Variants in GALNT11 observed in about 807,000 individuals in gnomAD.
The protein encoded by GALNT11 is polypeptide N-acetylgalactosaminyltransferase 11.
Under a neutral mutation model 72.7 loss-of-function variants are expected in GALNT11, and 47 were observed. That is an observed-to-expected ratio of 0.65 (90% CI 0.51 to 0.82). The LOEUF (loss-of-function observed/expected upper bound fraction) is 0.82, where lower values mean the gene tolerates loss of function less well. Among genes scored for constraint, GALNT11 ranks in the 40% least tolerant of loss-of-function variants. The probability of loss-of-function intolerance (pLI) is 0.00; values close to 1 mark genes in which losing one functional copy is unlikely to be tolerated. For missense variants in GALNT11, 677 were observed against 778.4 expected (o/e 0.87, Z 1.55); for synonymous variants, 270 against 286.6 (o/e 0.94, Z 0.58).
intron 1 of GALNT11, among the ~76,000 whole-genome samples, chr7:152,043,666 A>G (rs2082981342): frequency 6.6e-6 from 1 of 152,158 alleles, no homozygotes; most frequent in African/African-American, 2.4e-5. Flanking sequence ...CAGTGGGGCA[A>G]CTACTTTTCG....
At chr7:152,096,139 A>G (rs1396107527) in intron 2 of GALNT11, among the ~76,000 whole-genome samples, 1 of 152,244 alleles carries the variant, frequency 6.6e-6, no homozygotes, top group African/African-American at 2.4e-5. Flanking sequence ...ACACACATTG[A>G]AAGATATTCC....
intron 1 of GALNT11, among the ~76,000 whole-genome samples, chr7:152,036,666 T>A (rs2082595239): frequency 6.6e-6 from 1 of 152,226 alleles, no homozygotes; most frequent in African/African-American, 2.4e-5. Context: ...TCCTCCAAAC[T>A]GGTCTCCATA....
chr7:152,083,115 C>G (rs893456506), intron 1 of GALNT11, among the ~76,000 whole-genome samples: 2 of 152,124 alleles, frequency 1.3e-5, no homozygotes, highest in African/African-American at 4.8e-5. Context: ...AGTATTTTTT[C>G]TAGTTTGTCA....
intron 1 of GALNT11, among the ~76,000 whole-genome samples, chr7:152,092,998 G>A (rs533852414): frequency 2.0e-5 from 3 of 152,314 alleles, no homozygotes; most frequent in Admixed American, 6.5e-5. Flanking sequence ...GGAGGCCAAG[G>A]CGGGCAGATC....
At chr7:152,105,630 C>T (rs1278572337) in intron 5 of GALNT11, among the ~76,000 whole-genome samples, 5 of 152,126 alleles carry the variant, frequency 3.3e-5, no homozygotes, top group African/African-American at 9.7e-5. Context: ...TACTTACTGC[C>T]CCTCAAATAT....
rs959964367 is a variant in GALNT11 at position 152,122,322 on chromosome 7, TAAAG to T, written c.*648_*651del. 4 of 152,270 alleles carry T rather than the reference TAAAG, an allele frequency of 2.6e-5. No homozygotes were observed. 9.4% of individuals were successfully genotyped at this position (152,270 alleles called of 1,614,324 possible). ...ATGAATTATGATACAATCTACATAA[TAAAG>T]AATCCTTTTGATTATTTAGGATATT... On this transcript the variant is annotated 3_prime_UTR_variant, in exon 12 of 12. Transcript: ENST00000430044.
At chr7:152,039,661 G>C (rs2082757046) in intron 1 of GALNT11, among the ~76,000 whole-genome samples, 1 of 152,090 alleles carries the variant, frequency 6.6e-6, no homozygotes, top group African/African-American at 2.4e-5. Context: ...CTGCAACCGG[G>C]GGTCCTCGGG....
intron 1 of GALNT11, chr7:152,079,461 A>G (rs546192951): frequency 1.4e-4 from 22 of 152,302 alleles, no homozygotes; most frequent in African/African-American, 5.3e-4. Flanking sequence ...GTTTGATTAA[A>G]TTTGCTTCTT....
intron 1 of GALNT11, among the ~76,000 whole-genome samples, chr7:152,081,833 C>A (rs966610359): frequency 1.3e-5 from 2 of 152,164 alleles, no homozygotes; most frequent in African/African-American, 2.4e-5. Context: ...TGTGTACTTA[C>A]ATGTAGCATC....
rs777356515 is a variant in GALNT11 at position 152,110,608 on chromosome 7, A to G, written c.1043A>G (p.Asp348Gly). The change falls in exon 7 of 12, where the codon GAT becomes GGT. Residue 348 changes from aspartate (D) to glycine (G), a missense_variant. Transcript: ENST00000430044. ...HELGQYDSGM[D>G]IWGGENLEIS... ...CTTGGACAGTATGATAGTGGCATGG[A>G]TATCTGGGGAGGAGAAAATTTGGAA... 49 of 1,611,968 alleles carry G rather than the reference A, an allele frequency of 3.0e-5. No homozygotes were observed. The highest frequency in any genetic ancestry group is 4.0e-5 in the Non-Finnish European group (47 of 1,179,594).
chr7:152,039,385 T>C (rs1184269108), intron 1 of GALNT11, among the ~76,000 whole-genome samples: 1 of 152,204 alleles, frequency 6.6e-6, no homozygotes, highest in African/African-American at 2.4e-5. Context: ...AACTGTGTCA[T>C]AGAGTGATTG....
At chr7:152,102,787 G>T (rs1373662166) in intron 3 of GALNT11, among the ~76,000 whole-genome samples, 1 of 152,068 alleles carries the variant, frequency 6.6e-6, no homozygotes, top group Non-Finnish European at 1.5e-5. Flanking sequence ...TTCGAGACCA[G>T]CTTGACCAAC....
chr7:152,111,601 ATC>A (rs2088204209), intron 7 of GALNT11, among the ~76,000 whole-genome samples: 1 of 151,806 alleles, frequency 6.6e-6, no homozygotes, highest in East Asian at 1.9e-4. Context: ...AGTCTCCAGT[ATC>A]TGTTATTCCA....
Position 152,094,370 on chromosome 7 carries a change from A to T in GALNT11, c.143A>T (p.His48Leu). ...GTGCCCGTCAAGGGGTCTGGGCCCCACGGACCATCTCCAAAAAAATTCTAT... is the reference window on the plus strand; with the variant it reads ...GTGCCCGTCAAGGGGTCTGGGCCCCTCGGACCATCTCCAAAAAAATTCTAT... ...KNVPVKGSGP[H>L]GPSPKKFYPR... is the part of the protein sequence containing the mutation. Residue 48 changes from histidine to leucine, a missense_variant, in exon 2 of 12, where the codon CAC becomes CTC. By Grantham distance (99) the His-to-Leu change is moderately conservative. Transcript: ENST00000430044. This position sits in a 1 kb window ranked among gnomAD's most constrained non-coding sequence, Gnocchi z 4.3. The T allele has an allele frequency of 6.2e-7, 1 of 1,614,122 alleles. No homozygotes were observed. The highest frequency in any genetic ancestry group is 8.5e-7 in the Non-Finnish European group (1 of 1,179,992).
chr7:152,063,441 G>T (rs967178814), intron 1 of GALNT11, among the ~76,000 whole-genome samples: 2 of 152,072 alleles, frequency 1.3e-5, no homozygotes, highest in African/African-American at 2.4e-5. Flanking sequence ...TTTTTGAAGG[G>T]TTTTTTGTGT....
At chr7:152,048,246 C>T (rs2083237615) in intron 1 of GALNT11, among the ~76,000 whole-genome samples, 1 of 151,728 alleles carries the variant, frequency 6.6e-6, no homozygotes, top group Admixed American at 6.5e-5. Flanking sequence ...TTAAGGCTAC[C>T]ACTGAGAAAT....
chr7:152,085,130 A>G (rs2085564611), intron 1 of GALNT11, among the ~76,000 whole-genome samples: 1 of 152,034 alleles, frequency 6.6e-6, no homozygotes, highest in South Asian at 2.1e-4. Context: ...CCTGGCTTAA[A>G]TCTGTGATTT....
At chr7:152,102,464 C>A (rs139155389) in intron 3 of GALNT11, among the ~76,000 whole-genome samples, 4,381 of 151,948 alleles carry the variant, frequency 0.029, 201 homozygotes, top group African/African-American at 0.1. Flanking sequence ...ATCGCTTGAA[C>A]CAGGGAGTCG....
rs1298870028 is a variant in GALNT11, at chr7:152,100,889, CCA to C, written c.390_391del (p.His130GlnfsTer12). The C allele has an allele frequency of 6.2e-7, 1 of 1,613,944 alleles. No homozygotes were observed. The highest frequency in any genetic ancestry group is 2.2e-5 in the East Asian group (1 of 44,890). On this transcript the variant is annotated frameshift_variant, in exon 3 of 12. Transcript: ENST00000430044. LOFTEE classifies it high-confidence loss of function. ...NMLISDRLGY[H>X]RDVPDTRNAA... The stretch of plus-strand genomic sequence containing the variant: ...TGCTTATCAGTGACCGCTTGGGCTA[CCA>C]CAGAGATGTGCCAGACACAAGGAAT...
Sources: gnomAD v4.1 joint callset for allele counts (sites outside exome capture counted in the v4.1 genomes callset) on GRCh38, gnomAD v4.1.1 for gene constraint, Gnocchi (gnomAD v3.1) non-coding constraint, MANE v1.5 for transcripts, NCBI Gene and HGNC (gene_info 2026-07-23, HGNC 2026-07-21) for gene names.